Variants in CREB3L2 observed in about 807,000 individuals in gnomAD.
CREB3L2 encodes cyclic AMP-responsive element-binding protein 3-like protein 2.
In CREB3L2, 23 loss-of-function variants were observed where a neutral mutation model predicts 57.2. The observed-to-expected ratio is 0.40, with a 90% CI of 0.29 to 0.57. CREB3L2 has a LOEUF of 0.57. Ranked by LOEUF, CREB3L2 falls within the 20% of genes least tolerant of loss-of-function variation. CREB3L2 has a pLI of 0.42. For synonymous variants in CREB3L2, 268 were observed against 265.1 expected (o/e 1.01, Z -0.11); for missense variants, 628 against 634.7 (o/e 0.99, Z 0.11).
At chr7:137,917,083 C>T (rs984356211) in intron 2 of CREB3L2, among the ~76,000 whole-genome samples, 1 of 152,050 alleles carries the variant, frequency 6.6e-6, no homozygotes, top group Non-Finnish European at 1.5e-5. Context: ...AACCATCTGC[C>T]CTTTGCTGAA....
intron 1 of CREB3L2, among the ~76,000 whole-genome samples, chr7:137,984,048 G>GT (rs376409221): frequency 3.0e-4 from 46 of 152,266 alleles, no homozygotes; most frequent in African/African-American, 1.0e-3. Flanking sequence ...TGCCACTGAG[G>GT]TTTTTGGCTG....
chr7:137,953,416 A>C (rs1801140684), intron 1 of CREB3L2: 3 of 1,226,340 alleles, frequency 2.4e-6, no homozygotes, highest in Non-Finnish European at 2.1e-6. Context: ...CTGAGGCCTG[A>C]GGAATAGATG....
chr7:137,921,263 G>A (rs1255248135), intron 2 of CREB3L2, among the ~76,000 whole-genome samples: 6 of 152,216 alleles, frequency 3.9e-5, no homozygotes, highest in Non-Finnish European at 8.8e-5. Context: ...CCACAGTTTG[G>A]AGAGTAAGAA....
At chr7:137,982,044 G>A (rs1041254656) in intron 1 of CREB3L2, among the ~76,000 whole-genome samples, 3 of 152,088 alleles carry the variant, frequency 2.0e-5, no homozygotes, top group Admixed American at 1.3e-4. Context: ...AATGAGGTGG[G>A]GGGTATGCTG....
intron 3 of CREB3L2, among the ~76,000 whole-genome samples, chr7:137,914,760 G>A (rs1327366604): frequency 6.6e-6 from 1 of 151,954 alleles, no homozygotes; most frequent in East Asian, 1.9e-4. Flanking sequence ...CACTTGCAGA[G>A]GCCTCTGTCT....
chr7:137,947,509 G>A (rs1801018052), intron 1 of CREB3L2, among the ~76,000 whole-genome samples: 1 of 152,094 alleles, frequency 6.6e-6, no homozygotes, highest in Admixed American at 6.5e-5. Flanking sequence ...GCCCTCCGGG[G>A]CTCCCCTGAG....
intron 1 of CREB3L2, among the ~76,000 whole-genome samples, chr7:137,931,537 A>C (rs958167372): frequency 2.6e-5 from 4 of 151,280 alleles, no homozygotes. Context: ...AAAAAAAAAA[A>C]AAAAAACTGG....
At position 137,878,960 on chromosome 7, in the gene CREB3L2, GGA is replaced by G. The variant is rs1429178311; in HGVS notation, c.*1514_*1515del. 4.8e-6 allele frequency: 2 copies of G among 416,080 alleles called. No homozygotes were observed. Among genetic ancestry groups the G allele is most frequent in the Non-Finnish European group, 9.0e-6 (2 of 223,036 alleles). 25.8% of individuals were successfully genotyped at this position (416,080 alleles called of 1,614,324 possible). A position where few individuals can be genotyped will look rare whatever the true frequency, so the allele number is the denominator to read the frequency against. On this transcript the variant is annotated 3_prime_UTR_variant, in exon 12 of 12. Coordinates refer to ENST00000330387, the MANE Select transcript of CREB3L2 (RefSeq NM_194071.4). ...GAGAAGGAGAGACAGAGAGAGAGAG[GGA>G]GAGAGAGAAGCCAAAACCAAAGGCA...
chr7:137,891,580 C>CT (rs112052063), intron 8 of CREB3L2, among the ~76,000 whole-genome samples: 91 of 144,608 alleles, frequency 6.3e-4, no homozygotes, highest in South Asian at 8.8e-4. Flanking sequence ...GACATACTTT[C>CT]TTTTTTTTTT....
chr7:137,887,925 A>G (rs2117180436), intron 8 of CREB3L2, among the ~76,000 whole-genome samples: 1 of 152,208 alleles, frequency 6.6e-6, no homozygotes, highest in South Asian at 2.1e-4. Context: ...CCTGGTTTGT[A>G]TTTAAATGTA....
At chr7:137,993,020 T>C (rs1481280772) in intron 1 of CREB3L2, among the ~76,000 whole-genome samples, 1 of 152,096 alleles carries the variant, frequency 6.6e-6, no homozygotes, top group Non-Finnish European at 1.5e-5. Flanking sequence ...CTGGCAAACA[T>C]GTGTTCAAGG....
chr7:137,895,599 T>C (rs1360361560), intron 8 of CREB3L2, among the ~76,000 whole-genome samples: 1 of 122,018 alleles, frequency 8.2e-6, no homozygotes, highest in African/African-American at 3.1e-5. Context: ...TCTTTTCATC[T>C]AGAAATCAAT....
chr7:137,946,786 C>CTATATAGTTATATATAGTTA (rs1425687567), intron 1 of CREB3L2, among the ~76,000 whole-genome samples: 1 of 34,326 alleles, frequency 2.9e-5, no homozygotes, highest in African/African-American at 1.0e-4. Context: ...ATATAGTTAT[C>CTATATAGTTATATATAGTTA]TATATAGTTA....
chr7:137,995,211 C>T (rs1230060992), intron 1 of CREB3L2, among the ~76,000 whole-genome samples: 1 of 152,116 alleles, frequency 6.6e-6, no homozygotes, highest in Non-Finnish European at 1.5e-5. Context: ...ACCCCTGTAA[C>T]TCCTATGTCC....
chr7:137,937,254 A>G (rs2117253331), intron 1 of CREB3L2, among the ~76,000 whole-genome samples: 1 of 152,344 alleles, frequency 6.6e-6, no homozygotes, highest in Middle Eastern at 3.4e-3. Context: ...GTGTGGCAAG[A>G]GCAAGCTGAT....
chr7:137,967,109 C>T (rs1016912048), intron 1 of CREB3L2, among the ~76,000 whole-genome samples: 2 of 152,226 alleles, frequency 1.3e-5, no homozygotes, highest in Non-Finnish European at 2.9e-5. Flanking sequence ...CTTCCCACTC[C>T]TCTTTGCCCT....
At chr7:137,939,620 G>A (rs1800848412) in intron 1 of CREB3L2, among the ~76,000 whole-genome samples, 1 of 152,156 alleles carries the variant, frequency 6.6e-6, no homozygotes. Context: ...TCACCAACAA[G>A]TGAAAGACCA....
At chr7:137,967,448 C>T (rs1017592023) in intron 1 of CREB3L2, among the ~76,000 whole-genome samples, 1 of 152,176 alleles carries the variant, frequency 6.6e-6, no homozygotes, top group African/African-American at 2.4e-5. Context: ...GGTCACCACA[C>T]TACTAGCGGA....
At chr7:137,905,583 T>C in intron 6 of CREB3L2, 119 bp downstream of exon 6, 2 of 1,083,102 alleles carry the variant, frequency 1.8e-6, no homozygotes, top group South Asian at 1.3e-5. Context: ...AGGGAAGGGC[T>C]GGGCCTTGGT....
Sources: allele counts gnomAD v4.1 joint callset (sites outside exome capture counted in the v4.1 genomes callset), GRCh38; gene constraint gnomAD v4.1.1; transcripts MANE v1.5; gene names NCBI Gene and HGNC (gene_info 2026-07-23, HGNC 2026-07-21).